Variants in DNAH6 observed in about 807,000 individuals in gnomAD.
DNAH6 encodes the protein axonemal beta dynein heavy chain 6.
DNAH6 carries 340 observed loss-of-function variants against 491.4 expected under a neutral mutation model. That is an observed-to-expected ratio of 0.69 (90% CI 0.63 to 0.76). The LOEUF is 0.76. Ranked by LOEUF, DNAH6 falls within the 30% of genes least tolerant of loss-of-function variation. The pLI, the probability that DNAH6 is intolerant of heterozygous loss-of-function variation, is 0.00. For synonymous variants in DNAH6, 1,603 were observed against 1,686.1 expected (o/e 0.95, Z 1.21); for missense variants, 4,443 against 4,972.2 (o/e 0.89, Z 3.20).
intron 16 of DNAH6, 90 bp from the exon 17 acceptor site, chr2:84,593,882 C>G (rs1448300130): frequency 1.7e-6 from 1 of 572,222 alleles, no homozygotes; most frequent in Non-Finnish European, 2.9e-6. Context: ...TCCAAGCAAT[C>G]ACTGTACCAA....
At chr2:84,617,955 A>T (rs775551174) in intron 23 of DNAH6, among the ~76,000 whole-genome samples, 14 of 151,956 alleles carry the variant, frequency 9.2e-5, no homozygotes, top group Non-Finnish European at 1.9e-4. Flanking sequence ...GTGAGTGAGG[A>T]CTCTAGAGTC....
chr2:84,629,848 A>G (rs1688238257), intron 29 of DNAH6, among the ~76,000 whole-genome samples: 1 of 152,190 alleles, frequency 6.6e-6, no homozygotes, highest in Non-Finnish European at 1.5e-5. Flanking sequence ...CAAAATACCA[A>G]AAATTGATGT....
At chr2:84,731,915 T>C (rs996646746) in intron 61 of DNAH6, among the ~76,000 whole-genome samples, 8 of 152,160 alleles carry the variant, frequency 5.3e-5, no homozygotes, top group African/African-American at 1.9e-4. Context: ...AAGAGCATTG[T>C]TAAAAACATT....
intron 23 of DNAH6, 36 bp downstream of exon 23, chr2:84,617,018 A>G (rs752490970): frequency 8.7e-7 from 1 of 1,146,252 alleles, no homozygotes; most frequent in South Asian, 1.6e-5. Context: ...ATTTTTTAGT[A>G]GTTATGACTG....
chr2:84,564,638 A>T (rs554302679), intron 11 of DNAH6, among the ~76,000 whole-genome samples: 2 of 152,230 alleles, frequency 1.3e-5, no homozygotes, highest in South Asian at 4.1e-4. Context: ...CAGCAAAGAG[A>T]GATCATTTGA....
At chr2:84,752,108 A>G (rs1159759760) in intron 63 of DNAH6, among the ~76,000 whole-genome samples, 4 of 152,224 alleles carry the variant, frequency 2.6e-5, no homozygotes, top group Non-Finnish European at 5.9e-5. Flanking sequence ...AGTTTCTGTG[A>G]CAGCTGGTTT....
chr2:84,706,981 A>G lies in DNAH6; in HGVS notation c.8813A>G (p.Asp2938Gly), dbSNP rs1390692409. The G allele has an allele frequency of 3.3e-6, 5 of 1,537,412 alleles. No individual in the cohort carries two copies. Among genetic ancestry groups the G allele is most frequent in the Non-Finnish European group, 3.5e-6 (4 of 1,144,126 alleles). ...QVEDQIQALQDEYDKGVNEKE... is the reference protein window; with the variant it reads ...QVEDQIQALQGEYDKGVNEKE... The stretch of plus-strand genomic sequence containing the variant: ...GAAGATCAAATACAGGCCTTACAAG[A>G]TGAATATGACAAAGGTGTAAATGAA... The change falls in exon 53 of 77, where the codon GAT (aspartate) becomes GGT (glycine). Residue 2938 changes from aspartate to glycine, a missense_variant. By Grantham distance (94) the Asp-to-Gly change is moderately conservative. Coordinates refer to ENST00000389394, the MANE Select transcript of DNAH6 (RefSeq NM_001370.2).
At position 84,653,849 on chromosome 2, in the gene DNAH6, CA is replaced by C; in HGVS notation, c.5610del (p.Pro1871LeufsTer33). 6.5e-7 allele frequency: 1 copy of C among 1,549,756 alleles called. No individual in the cohort carries two copies. Among genetic ancestry groups the C allele is most frequent in the Non-Finnish European group, 8.7e-7 (1 of 1,145,614 alleles). ...CLANSERIKL[T>X]PQIHMLFEVQ... ...GCTAACAGTGAGAGGATTAAACTCA[CA>C]CCTCAAATTCACATGCTTTTTGAGG... On this transcript the variant is annotated frameshift_variant, in exon 34 of 77. Coordinates refer to ENST00000389394, the MANE Select transcript of DNAH6 (RefSeq NM_001370.2). LOFTEE classifies it high-confidence loss of function.
chr2:84,553,484 A>G (rs1242823498), intron 10 of DNAH6, among the ~76,000 whole-genome samples: 1 of 138,354 alleles, frequency 7.2e-6, no homozygotes, highest in Non-Finnish European at 1.5e-5. Flanking sequence ...TTTTTTTGAA[A>G]CAGGGATTCA....
At chr2:84,620,814 G>A (rs1242478851) in intron 24 of DNAH6, among the ~76,000 whole-genome samples, 2 of 152,154 alleles carry the variant, frequency 1.3e-5, no homozygotes, top group African/African-American at 2.4e-5. Context: ...GCCATTGGAA[G>A]TCCAAAAAAA....
At chr2:84,816,359 G>A (rs913559514) in intron 76 of DNAH6, among the ~76,000 whole-genome samples, 2 of 152,048 alleles carry the variant, frequency 1.3e-5, no homozygotes, top group African/African-American at 2.4e-5. Flanking sequence ...TCAAAATGGC[G>A]GCCTGAATAG....
rs140411842 is a variant in DNAH6 at position 84,529,623 on chromosome 2, G to A, written c.662+457G>A. The stretch of plus-strand genomic sequence containing the variant: ...AATGAATAATATCCACACACTTTCT[G>A]TGTGTTGTTGCCGCACATTTGTTGT... On this transcript the variant is annotated intron_variant, in intron 4 of 76. Transcript: ENST00000389394. Among the ~76,000 whole-genome samples the A allele has an allele frequency of 7.9e-5, 12 of 152,230 alleles. No individual in the cohort carries two copies. In the East Asian group the frequency reaches 2.3e-3, roughly 29 times the overall value.
intron 63 of DNAH6, among the ~76,000 whole-genome samples, chr2:84,756,501 G>A (rs571933539): frequency 6.6e-6 from 1 of 152,280 alleles, no homozygotes; most frequent in African/African-American, 2.4e-5. Context: ...GCTAAGAAGT[G>A]TAAGGACAAG....
intron 68 of DNAH6, among the ~76,000 whole-genome samples, chr2:84,793,809 G>C (rs1471403997): frequency 2.6e-5 from 4 of 152,220 alleles, no homozygotes; most frequent in African/African-American, 9.6e-5. Context: ...TCCAACAGGA[G>C]AGGGAAGACA....
chr2:84,709,368 G>C lies in DNAH6; in HGVS notation c.9074G>C (p.Cys3025Ser). The C allele has an allele frequency of 1.3e-6, 2 of 1,551,636 alleles. No individual in the cohort carries two copies. Among genetic ancestry groups the C allele is most frequent in the African/African-American group, 1.4e-5 (1 of 73,152 alleles). The part of the protein sequence containing the change: ...QSLIECWIQD[C>S]QSLEIPIDPS... ...CTTATAGAGTGTTGGATCCAGGACT[G>C]TCAGTCTCTGGAGATCCCAATCGAT... Residue 3025 changes from cysteine (C) to serine (S), a missense_variant, in exon 55 of 77, where the codon TGT becomes TCT. By Grantham distance (112) the Cys-to-Ser change is moderately radical. Around this residue, in one of 3 missense-constraint regions of DNAH6, gnomAD observed 1,463 missense variants for 1,656.6 expected, o/e 0.88. Transcript: ENST00000389394.
intron 5 of DNAH6, among the ~76,000 whole-genome samples, chr2:84,545,314 C>T (rs976823290): frequency 1.1e-4 from 16 of 152,142 alleles, no homozygotes; most frequent in Non-Finnish European, 2.1e-4. Flanking sequence ...GAGGGACTAT[C>T]TCAAGTCATC....
At chr2:84,573,196 A>G (rs1281625666) in intron 11 of DNAH6, among the ~76,000 whole-genome samples, 1 of 152,218 alleles carries the variant, frequency 6.6e-6, no homozygotes, top group East Asian at 1.9e-4. Context: ...TGAAGCAGAA[A>G]CAAATTGTGT....
chr2:84,473,794 G>A, the DNAH6 span, among the ~76,000 whole-genome samples: 1 of 152,056 alleles, frequency 6.6e-6, no homozygotes, highest in South Asian at 2.1e-4. Context: ...GGATTTTATC[G>A]GGGGCTATAA....
At chr2:84,558,990 T>C (rs1286862051) in intron 11 of DNAH6, among the ~76,000 whole-genome samples, 1 of 152,240 alleles carries the variant, frequency 6.6e-6, no homozygotes, top group Non-Finnish European at 1.5e-5. Context: ...TATATATACA[T>C]TCCTATGTAA....
Sources: gnomAD v4.1 joint callset for allele counts (sites outside exome capture counted in the v4.1 genomes callset) on GRCh38, gnomAD v4.1.1 for gene constraint, gnomAD v4.1.1 regional missense constraint, MANE v1.5 for transcripts, NCBI Gene and HGNC (gene_info 2026-07-23, HGNC 2026-07-21) for gene names.